The following SYNE1 variants were observed in gnomAD, a reference collection of about 807,000 sequenced individuals.
SYNE1 encodes nesprin-1.
In SYNE1, 616 loss-of-function variants were observed where a neutral mutation model predicts 1,111.0. That is an observed-to-expected ratio of 0.55 (90% CI 0.52 to 0.59). SYNE1 has a LOEUF of 0.59. Ranked by LOEUF, SYNE1 falls within the 20% of genes least tolerant of loss-of-function variation. SYNE1 has a pLI of 0.00. For missense variants in SYNE1, 10,006 were observed against 10,417.0 expected (o/e 0.96, Z 1.72); for synonymous variants, 3,855 against 3,825.8 (o/e 1.01, Z -0.28).
chr6:152,559,572 T>A (rs1161669493), intron 3 of SYNE1, among the ~76,000 whole-genome samples: 2 of 152,074 alleles, frequency 1.3e-5, no homozygotes, highest in Non-Finnish European at 2.9e-5. Flanking sequence ...AACCAAAAAA[T>A]ATCTTGAGAT....
intron 122 of SYNE1, among the ~76,000 whole-genome samples, chr6:152,214,226 A>C (rs74618791): frequency 0.028 from 4,266 of 151,940 alleles, 209 homozygotes; most frequent in African/African-American, 0.099. Context: ...AAGAAAGTTG[A>C]AAAAATGTAG....
At chr6:152,504,558 A>T (rs771308557) in intron 9 of SYNE1, among the ~76,000 whole-genome samples, 10 of 152,204 alleles carry the variant, frequency 6.6e-5, no homozygotes, top group Non-Finnish European at 7.3e-5. Context: ...AAATGTCCAT[A>T]ATTGCCAGCC....
chr6:152,325,418 C>G, intron 80 of SYNE1, 116 bp from the exon 81 acceptor site: 1 of 968,840 alleles, frequency 1.0e-6, no homozygotes, highest in Non-Finnish European at 1.6e-6. Flanking sequence ...AATGTTTCTA[C>G]ATACGTTTAT....
intron 21 of SYNE1, among the ~76,000 whole-genome samples, chr6:152,459,782 A>G (rs1019994880): frequency 1.1e-4 from 17 of 152,352 alleles, no homozygotes; most frequent in Admixed American, 8.5e-4. Flanking sequence ...TGTTTTTCAT[A>G]TAGTATAAAG....
intron 3 of SYNE1, among the ~76,000 whole-genome samples, chr6:152,619,058 A>T (rs1346701601): frequency 6.6e-6 from 1 of 152,124 alleles, no homozygotes; most frequent in East Asian, 1.9e-4. Flanking sequence ...ACACACACAC[A>T]CACACACACA....
At chr6:152,587,641 T>G (rs970148146) in intron 3 of SYNE1, among the ~76,000 whole-genome samples, 1 of 152,182 alleles carries the variant, frequency 6.6e-6, no homozygotes, top group African/African-American at 2.4e-5. Context: ...TCTTATTTAA[T>G]CTCTTCTCTT....
chr6:152,551,079 C>CCTG (rs1299664024), intron 3 of SYNE1, among the ~76,000 whole-genome samples: 2 of 152,146 alleles, frequency 1.3e-5, no homozygotes, highest in Non-Finnish European at 2.9e-5. Context: ...TGGATTTTTT[C>CCTG]CTGACACCTT....
intron 92 of SYNE1, 144 bp from the exon 93 acceptor site, chr6:152,300,925 G>A: frequency 8.6e-7 from 1 of 1,157,638 alleles, no homozygotes. Flanking sequence ...TTAATCCTGT[G>A]TTAGTATTTA....
At chr6:152,221,759 G>A (rs922384488) in intron 117 of SYNE1, among the ~76,000 whole-genome samples, 200 bp from the exon 118 acceptor site, 1 of 152,188 alleles carries the variant, frequency 6.6e-6, no homozygotes, top group Admixed American at 6.5e-5. Flanking sequence ...TTGGCTATGA[G>A]AAGAGGTTCT....
chr6:152,543,023 A>C (rs1161499965), intron 3 of SYNE1, among the ~76,000 whole-genome samples: 1 of 152,108 alleles, frequency 6.6e-6, no homozygotes, highest in Non-Finnish European at 1.5e-5. Flanking sequence ...TACTGTCATA[A>C]AATTAAATAT....
chr6:152,237,636 T>C (rs1203485744), intron 108 of SYNE1, among the ~76,000 whole-genome samples: 1 of 152,156 alleles, frequency 6.6e-6, no homozygotes, highest in African/African-American at 2.4e-5. Context: ...GGTTTTATTC[T>C]TTACCACAGT....
intron 127 of SYNE1, among the ~76,000 whole-genome samples, chr6:152,189,685 G>A (rs2071630183): frequency 6.6e-6 from 1 of 152,094 alleles, no homozygotes; most frequent in African/African-American, 2.4e-5. Context: ...ATGTGCAATA[G>A]CATATGTCTA....
intron 77 of SYNE1, 130 bp from the exon 78 acceptor site, chr6:152,332,020 G>T: frequency 1.5e-6 from 2 of 1,331,392 alleles, no homozygotes; most frequent in Non-Finnish European, 2.1e-6. Flanking sequence ...TCCCAGGCTG[G>T]AGTGCAATGA....
intron 5 of SYNE1, among the ~76,000 whole-genome samples, chr6:152,524,347 C>A (rs1419571191): frequency 6.6e-6 from 1 of 152,098 alleles, no homozygotes; most frequent in Non-Finnish European, 1.5e-5. Flanking sequence ...TGATGTATCA[C>A]ATTTATTGAC....
At chr6:152,236,690 C>T in intron 109 of SYNE1, 127 bp downstream of exon 109, 1 of 1,188,008 alleles carries the variant, frequency 8.4e-7, no homozygotes, top group Middle Eastern at 2.0e-4. Context: ...ACATTATCTC[C>T]TTTCAATGTC....
chr6:152,538,626 T>A (rs1240518731), intron 4 of SYNE1, among the ~76,000 whole-genome samples: 2 of 150,332 alleles, frequency 1.3e-5, no homozygotes, highest in East Asian at 3.9e-4. Context: ...TCTTTTCATT[T>A]TGAAAAAAAA....
intron 95 of SYNE1, among the ~76,000 whole-genome samples, chr6:152,286,981 A>G (rs2094364198): frequency 6.6e-6 from 1 of 152,258 alleles, no homozygotes; most frequent in Non-Finnish European, 1.5e-5. Flanking sequence ...CAGAATAATA[A>G]CAGTCTGCAC....
chr6:152,421,784 C>A (rs1233359891), intron 39 of SYNE1, among the ~76,000 whole-genome samples: 2 of 151,836 alleles, frequency 1.3e-5, no homozygotes, highest in Non-Finnish European at 2.9e-5. Flanking sequence ...TGGCTCACTG[C>A]AATCTCTGCC....
At position 152,224,506 on chromosome 6, in the gene SYNE1, C is replaced by T. The variant is rs2081001161; in HGVS notation, c.21510G>A (p.Val7170=). Residue 7170 remains valine (V), a synonymous_variant, in exon 117 of 146, where the codon GTG becomes GTA. Coordinates refer to ENST00000367255, the MANE Select transcript of SYNE1 (RefSeq NM_182961.4). ...ATTAATTCCTTACCTGAAGATTGTC[C>T]ACCTGAACTTGCACAGCTTCTAAGG... ...TGSLEAVQVQ[V]DNLQNLQDDL... The T allele has an allele frequency of 6.2e-7, 1 of 1,613,858 alleles. No individual in the cohort carries two copies. Among genetic ancestry groups the T allele is most frequent in the South Asian group, 1.1e-5 (1 of 91,068 alleles).
Sources: allele counts gnomAD v4.1 joint callset (sites outside exome capture counted in the v4.1 genomes callset), GRCh38; gene constraint gnomAD v4.1.1; transcripts MANE v1.5; gene names NCBI Gene and HGNC (gene_info 2026-07-23, HGNC 2026-07-21).